The following CTPS2 variants were observed in gnomAD, a reference collection of about 807,000 sequenced individuals.
CTPS2 encodes the protein CTP synthase 2.
Under a neutral mutation model 46.8 loss-of-function variants are expected in CTPS2, and 19 were observed. The ratio of observed to expected loss-of-function variants is 0.41; its 90% CI spans 0.28 to 0.60. CTPS2 has a LOEUF of 0.60. Ranked by LOEUF, CTPS2 falls within the 20% of genes least tolerant of loss-of-function variation. The pLI is 0.35. For synonymous variants in CTPS2, 151 were observed against 165.2 expected, an observed-to-expected ratio of 0.91 and a Z score of 0.66; for missense variants, 286 against 447.6, an observed-to-expected ratio of 0.64 and a Z score of 3.26.
intron 1 of CTPS2, among the ~76,000 whole-genome samples, chrX:16,703,390 G>T (rs756978859): frequency 9.1e-6 from 1 of 109,442 alleles, no homozygotes; most frequent in Non-Finnish European, 1.9e-5. Flanking sequence ...GAGTGCAGTG[G>T]CATGTTCATA....
intron 1 of CTPS2, chrX:16,712,019 GGGCGCTGGCGCGGGCGGA>G (rs1304210121): frequency 9.0e-6 from 1 of 111,018 alleles, no homozygotes; most frequent in African/African-American, 3.3e-5. Flanking sequence ...ATCCGGGTGC[GGGCGCTGGCGCGGGCGGA>G]GGCGGGAAGA....
intron 16 of CTPS2, among the ~76,000 whole-genome samples, chrX:16,611,281 T>C (rs1283693237): frequency 9.0e-6 from 1 of 111,007 alleles, no homozygotes; most frequent in African/African-American, 3.3e-5. Context: ...TGAAACCCTG[T>C]CTGTACAAAA....
rs761543795 is a variant in CTPS2, at chrX:16,674,694, C to T, written c.1094+3668G>A. Among the ~76,000 whole-genome samples, 279 of 106,033 alleles carry T rather than the reference C, an allele frequency of 2.6e-3. 1 individual carries two copies. Among genetic ancestry groups the T allele is most frequent in the Non-Finnish European group, 4.3e-3 (221 of 51,695 alleles). The allele number at this position is 106,033 out of a possible 115,157, so 92.1% of individuals were successfully genotyped here. On this transcript the variant is annotated intron_variant, in intron 10 of 18. Coordinates refer to ENST00000359276, the MANE Select transcript of CTPS2 (RefSeq NM_175859.3). ...TCTACTAAAAATACAAAAAATTAGC[C>T]GGGCGTGGTGGCAGGCGCCTGTAGT...
chrX:16,674,554 G>A (rs938320630), intron 10 of CTPS2, among the ~76,000 whole-genome samples: 2 of 110,749 alleles, frequency 1.8e-5, no homozygotes, highest in Non-Finnish European at 3.8e-5. Flanking sequence ...AAGAAATTAC[G>A]CAGGCCGGGC....
chrX:16,605,665 T>C (rs1013124247), intron 17 of CTPS2, among the ~76,000 whole-genome samples: 1 of 111,604 alleles, frequency 9.0e-6, no homozygotes, highest in African/African-American at 3.3e-5. Flanking sequence ...GAGGTTGCAG[T>C]GAGCCAAGAC....
intron 14 of CTPS2, among the ~76,000 whole-genome samples, chrX:16,628,645 C>T (rs1243152158): frequency 8.9e-6 from 1 of 111,916 alleles, no homozygotes; most frequent in African/African-American, 3.3e-5. Context: ...GGATTACAGA[C>T]GTAAGCCACC....
chrX:16,690,006 C>T (rs182551546), intron 7 of CTPS2, among the ~76,000 whole-genome samples: 305 of 104,408 alleles, frequency 2.9e-3, no homozygotes, highest in Admixed American at 8.6e-3. Flanking sequence ...GAGTCGAGAT[C>T]GCACCATTGC....
At chrX:16,695,741 C>T (rs1233890068) in intron 4 of CTPS2, among the ~76,000 whole-genome samples, 4 of 110,174 alleles carry the variant, frequency 3.6e-5, no homozygotes, top group East Asian at 5.7e-4. Context: ...TTAGTAGAGA[C>T]GGGGTTTCAC....
chrX:16,641,335 G>T (rs1015706562), intron 13 of CTPS2, among the ~76,000 whole-genome samples: 4 of 112,171 alleles, frequency 3.6e-5, no homozygotes, highest in Non-Finnish European at 7.5e-5. Context: ...CACTGTGTTG[G>T]GTCCCAATAC....
chrX:16,674,803 A>G (rs1338872828), intron 10 of CTPS2, among the ~76,000 whole-genome samples: 1 of 105,661 alleles, frequency 9.5e-6, no homozygotes, highest in Admixed American at 1.0e-4. Context: ...GCGCCACTGC[A>G]CTCCAGCCTG....
intron 13 of CTPS2, among the ~76,000 whole-genome samples, chrX:16,646,065 C>T (rs182312641): frequency 1.8e-5 from 2 of 112,841 alleles, no homozygotes; most frequent in East Asian, 5.5e-4. Context: ...CAGACAAAGG[C>T]CTATATCATT....
At chrX:16,593,211 C>T (rs1390105243) in intron 17 of CTPS2, among the ~76,000 whole-genome samples, 5 of 111,418 alleles carry the variant, frequency 4.5e-5, no homozygotes, top group Non-Finnish European at 7.5e-5. Flanking sequence ...GGGCGGATCA[C>T]GAGGTCAGGA....
chrX:16,686,798 G>C (rs1182111255), intron 8 of CTPS2, among the ~76,000 whole-genome samples: 2 of 111,562 alleles, frequency 1.8e-5, no homozygotes, highest in Non-Finnish European at 3.8e-5. Context: ...CAGCTACCTG[G>C]GAGGCTGAGG....
intron 1 of CTPS2, among the ~76,000 whole-genome samples, chrX:16,705,934 C>G (rs180934147): frequency 1.8e-5 from 2 of 109,724 alleles, no homozygotes; most frequent in Admixed American, 9.8e-5. Flanking sequence ...AACCCTGTCT[C>G]TACTAAAAAT....
chrX:16,701,323 G>A (rs920894691), intron 2 of CTPS2, among the ~76,000 whole-genome samples: 2 of 111,134 alleles, frequency 1.8e-5, no homozygotes, highest in Non-Finnish European at 3.8e-5. Flanking sequence ...TTGGGAGGCC[G>A]AGGTAGGAGG....
At chrX:16,655,800 T>C (rs980179714) in intron 13 of CTPS2, among the ~76,000 whole-genome samples, 43 of 110,312 alleles carry the variant, frequency 3.9e-4, no homozygotes, top group Non-Finnish European at 5.1e-4. Context: ...TCTTTTTTTT[T>C]CTTTTTTTTC....
intron 9 of CTPS2, among the ~76,000 whole-genome samples, chrX:16,679,338 A>C (rs147819620): frequency 0.031 from 3,472 of 110,677 alleles, 138 homozygotes; most frequent in African/African-American, 0.11. Context: ...AGTCTGGTCA[A>C]CAGAGTGAGA....
At chrX:16,616,935 T>G (rs964635308) in intron 16 of CTPS2, among the ~76,000 whole-genome samples, 4 of 111,797 alleles carry the variant, frequency 3.6e-5, no homozygotes, top group African/African-American at 9.8e-5. Context: ...CCTCAGGTGA[T>G]TCGCCAACCT....
At chrX:16,665,109 G>C (rs1005982102) in intron 13 of CTPS2, among the ~76,000 whole-genome samples, 53 of 111,768 alleles carry the variant, frequency 4.7e-4, no homozygotes, top group African/African-American at 1.7e-3. Flanking sequence ...ACATCCACTA[G>C]GATGGCTATC....
Sources: gnomAD v4.1 joint callset for allele counts (sites outside exome capture counted in the v4.1 genomes callset) on GRCh38, gnomAD v4.1.1 for gene constraint, MANE v1.5 for transcripts, NCBI Gene and HGNC (gene_info 2026-07-23, HGNC 2026-07-21) for gene names.